Variants in LYSMD2 observed in about 807,000 individuals in gnomAD.
The protein encoded by LYSMD2 is lysM and putative peptidoglycan-binding domain-containing protein 2.
Under a neutral mutation model 17.7 loss-of-function variants are expected in LYSMD2, and 6 were observed. The ratio of observed to expected loss-of-function variants is 0.34; its 90% CI spans 0.19 to 0.67. LYSMD2 has a LOEUF of 0.67. Ranked by LOEUF, LYSMD2 falls within the 30% of genes least tolerant of loss-of-function variation. LYSMD2 has a pLI of 0.69. For missense variants in LYSMD2, 237 were observed against 286.7 expected (o/e 0.83, Z 1.25); for synonymous variants, 102 against 129.8 (o/e 0.79, Z 1.45).
At chr15:51,723,697 A>G (rs2055517875) in intron 2 of LYSMD2, 48 bp from the exon 3 acceptor site, 10 of 1,381,296 alleles carry the variant, frequency 7.2e-6, no homozygotes, top group Non-Finnish European at 9.9e-6. Flanking sequence ...AACTGTATGC[A>G]GAAAACTAAA....
chr15:51,748,318 A>C (rs1216918582), intron 1 of LYSMD2, among the ~76,000 whole-genome samples: 118 of 112,992 alleles, frequency 1.0e-3, no homozygotes, highest in African/African-American at 4.0e-3. Context: ...AAGGGAGGTT[A>C]CAGAAACTTG....
intron 1 of LYSMD2, among the ~76,000 whole-genome samples, chr15:51,729,285 T>C (rs1206978125): frequency 2.0e-5 from 3 of 152,180 alleles, no homozygotes; most frequent in Non-Finnish European, 4.4e-5. Flanking sequence ...GAGAAGCCAC[T>C]GGAGAGTGAA....
At chr15:51,751,180 C>G in intron 1 of LYSMD2, 1 of 676,898 alleles carries the variant, frequency 1.5e-6, no homozygotes. Flanking sequence ...ACCTCGCTTA[C>G]CTCCTTCCCT....
At chr15:51,737,682 T>TACG (rs2055620864), upstream of LYSMD2, 1 of 1,110,116 alleles carries the variant, frequency 9.0e-7, no homozygotes, top group South Asian at 4.5e-5. The surrounding 1 kb of genome is among the most constrained non-coding windows in gnomAD (Gnocchi z 4.2). Flanking sequence ...CTCCTCCTCC[T>TACG]CCGCCGCCGC....
chr15:51,737,264 CCA>C lies in LYSMD2; in HGVS notation c.273+84_273+85del. The stretch of plus-strand genomic sequence containing the variant: ...ATCCCCCAAACCCCCACCCGCAGTC[CCA>C]CCCCCACCCCCACCGCACCCCGAGC... On this transcript the variant is annotated intron_variant, in intron 1 of 2. Transcript: ENST00000267838. The surrounding 1 kb of genome is among the most constrained non-coding windows in gnomAD (Gnocchi z 4.2). 2.2e-6 allele frequency: 1 copy of C among 448,426 alleles called. No individual in the cohort carries two copies. The highest frequency in any genetic ancestry group is 3.4e-6 in the Non-Finnish European group (1 of 296,700). The allele number at this position is 448,426 out of a possible 1,614,324, so 27.8% of individuals were successfully genotyped here. A position where few individuals can be genotyped will look rare whatever the true frequency, so the allele number is the denominator to read the frequency against.
intron 1 of LYSMD2, among the ~76,000 whole-genome samples, chr15:51,729,753 T>C (rs1031462592): frequency 6.6e-6 from 1 of 152,206 alleles, no homozygotes; most frequent in African/African-American, 2.4e-5. Flanking sequence ...CCACCGCACC[T>C]GGCCTCCTTT....
At chr15:51,740,829 A>G (rs28841284), upstream of LYSMD2, among the ~76,000 whole-genome samples, 10 of 152,302 alleles carry the variant, frequency 6.6e-5, no homozygotes, top group South Asian at 2.1e-3. Context: ...GATAAAAAAT[A>G]AAAGAAAGAA....
At chr15:51,737,850 A>G (rs570563662), upstream of LYSMD2, 11 of 306,164 alleles carry the variant, frequency 3.6e-5, no homozygotes, top group East Asian at 4.8e-4. The surrounding 1 kb of genome is among the most constrained non-coding windows in gnomAD (Gnocchi z 4.2). Flanking sequence ...CTGCAAGGTT[A>G]AGAGCGAAAG....
chr15:51,738,092 C>T (rs2055624641), upstream of LYSMD2: 1 of 152,450 alleles, frequency 6.6e-6, no homozygotes. Flanking sequence ...CAGCAGGAGC[C>T]AGCTTGCACA....
chr15:51,730,234 G>GT (rs912577873), intron 1 of LYSMD2, among the ~76,000 whole-genome samples: 19 of 152,224 alleles, frequency 1.2e-4, no homozygotes, highest in African/African-American at 4.3e-4. Context: ...CCAGCCAGGC[G>GT]TGGTGGCTCA....
chr15:51,750,524 C>A (rs905494299), intron 1 of LYSMD2, among the ~76,000 whole-genome samples: 1 of 152,216 alleles, frequency 6.6e-6, no homozygotes, highest in Non-Finnish European at 1.5e-5. Flanking sequence ...TCATGTGAAA[C>A]ACTGCATAGC....
chr15:51,744,601 A>T (rs1394453525), intron 1 of LYSMD2, among the ~76,000 whole-genome samples: 1 of 152,062 alleles, frequency 6.6e-6, no homozygotes, highest in Non-Finnish European at 1.5e-5. Context: ...TTGGCCTATA[A>T]TTTTCTTTTC....
upstream of LYSMD2, among the ~76,000 whole-genome samples, chr15:51,739,911 A>T (rs1166708894): frequency 2.0e-5 from 3 of 152,096 alleles, no homozygotes; most frequent in Non-Finnish European, 4.4e-5. Flanking sequence ...TCAGCAACAC[A>T]GTGAGACCCT....
intron 1 of LYSMD2, among the ~76,000 whole-genome samples, chr15:51,735,725 A>AT (rs1316151559): frequency 1.3e-5 from 2 of 152,276 alleles, no homozygotes; most frequent in Non-Finnish European, 2.9e-5. Context: ...ATTTGATCAA[A>AT]GGTGGAAAAC....
chr15:51,734,764 C>T (rs886974941), intron 1 of LYSMD2, among the ~76,000 whole-genome samples: 7 of 152,172 alleles, frequency 4.6e-5, no homozygotes, highest in African/African-American at 1.7e-4. Context: ...ATGGTCTTGC[C>T]AGTCAACAAC....
At chr15:51,736,657 A>G (rs868541020) in intron 1 of LYSMD2, among the ~76,000 whole-genome samples, 17 of 152,192 alleles carry the variant, frequency 1.1e-4, no homozygotes, top group African/African-American at 3.9e-4. Context: ...TAATGAAACA[A>G]TTTGTTCCCT....
chr15:51,733,301 T>TC (rs2055587929), intron 1 of LYSMD2, among the ~76,000 whole-genome samples: 2 of 151,850 alleles, frequency 1.3e-5, no homozygotes, highest in South Asian at 4.2e-4. Flanking sequence ...GGTTTTTTTT[T>TC]CATTATGCTT....
intron 1 of LYSMD2, among the ~76,000 whole-genome samples, chr15:51,750,620 CAAG>C (rs766864543): frequency 4.6e-5 from 7 of 152,100 alleles, no homozygotes; most frequent in Non-Finnish European, 1.0e-4. Context: ...TGCAAAAGTT[CAAG>C]AAGGAGAGAG....
At chr15:51,747,523 C>T (rs1486283335) in intron 1 of LYSMD2, among the ~76,000 whole-genome samples, 2 of 152,158 alleles carry the variant, frequency 1.3e-5, no homozygotes, top group African/African-American at 2.4e-5. Context: ...GAAAACAGAC[C>T]TTAATATAAT....
Sources: allele counts gnomAD v4.1 joint callset (sites outside exome capture counted in the v4.1 genomes callset), GRCh38; gene constraint gnomAD v4.1.1; non-coding constraint Gnocchi (gnomAD v3.1); transcripts MANE v1.5; gene names NCBI Gene and HGNC (gene_info 2026-07-23, HGNC 2026-07-21).